The following CNIH3 variants were observed in gnomAD, a reference collection of about 807,000 sequenced individuals.
The protein encoded by CNIH3 is cornichon family AMPA receptor auxiliary protein 3, also known as protein cornichon homolog 3.
In CNIH3, 14 loss-of-function variants were observed where a neutral mutation model predicts 24.1. The observed-to-expected ratio is 0.58, with a 90% CI of 0.38 to 0.91. CNIH3 has a LOEUF of 0.91. CNIH3 is among the 40% of genes least tolerant of loss of function. CNIH3 has a pLI of 0.00. For missense variants in CNIH3, 178 were observed against 196.8 expected, an observed-to-expected ratio of 0.90 and a Z score of 0.57; for synonymous variants, 68 against 73.8, an observed-to-expected ratio of 0.92 and a Z score of 0.40.
At chr1:224,609,334 A>T (rs1227272125) in intron 3 of CNIH3, among the ~76,000 whole-genome samples, 3 of 152,196 alleles carry the variant, frequency 2.0e-5, no homozygotes, top group Admixed American at 1.3e-4. Context: ...TTTATAATAA[A>T]CACTCAAAGA....
chr1:224,727,694 C>T (rs1328782714), intron 3 of CNIH3, among the ~76,000 whole-genome samples: 2 of 152,094 alleles, frequency 1.3e-5, no homozygotes, highest in Non-Finnish European at 2.9e-5. Flanking sequence ...GGTTCCTTAC[C>T]TCTTCCACAT....
At chr1:224,552,868 A>G (rs1282513222) in intron 3 of CNIH3, among the ~76,000 whole-genome samples, 3 of 151,330 alleles carry the variant, frequency 2.0e-5, no homozygotes, top group African/African-American at 4.9e-5. Flanking sequence ...TAGGAGTAAT[A>G]TATCATCTCC....
At position 224,684,572 on chromosome 1, in the gene CNIH3, T is replaced by C. The variant is rs1686562781; in HGVS notation, c.151-224T>C. Among the ~76,000 whole-genome samples the C allele has an allele frequency of 6.6e-6, 1 of 152,164 alleles. No homozygotes were observed. Among genetic ancestry groups the C allele is most frequent in the Non-Finnish European group, 1.5e-5 (1 of 68,018 alleles). ...GGGCAGTTGAGCCCATGCTGTTTGC[T>C]GGGAGAGTTCTGCTAAGAGCAAATG... On this transcript the variant is annotated intron_variant, in intron 2 of 5. Coordinates refer to ENST00000272133, the MANE Select transcript of CNIH3 (RefSeq NM_152495.2). The surrounding 1 kb of genome is among the most constrained non-coding windows in gnomAD (Gnocchi z 4.2).
At chr1:224,596,214 C>A (rs191605361) in intron 3 of CNIH3, among the ~76,000 whole-genome samples, 2 of 152,342 alleles carry the variant, frequency 1.3e-5, no homozygotes, top group Admixed American at 6.5e-5. Flanking sequence ...CAATTGTTGA[C>A]TTTAAGTTGA....
At chr1:224,522,225 G>C (rs1479405612) in intron 2 of CNIH3, among the ~76,000 whole-genome samples, 1 of 152,118 alleles carries the variant, frequency 6.6e-6, no homozygotes, top group Non-Finnish European at 1.5e-5. Context: ...AAAGAAAAAT[G>C]TGTCTTTGAT....
chr1:224,491,150 GT>G (rs1378184485), intron 1 of CNIH3, among the ~76,000 whole-genome samples: 1 of 152,186 alleles, frequency 6.6e-6, no homozygotes, highest in East Asian at 1.9e-4. Flanking sequence ...GCCATATTTA[GT>G]TTGCTTTAAC....
upstream of CNIH3, among the ~76,000 whole-genome samples, chr1:224,613,729 C>T (rs1008063465): frequency 6.6e-6 from 1 of 152,208 alleles, no homozygotes; most frequent in Non-Finnish European, 1.5e-5. Context: ...TGCCATGTGA[C>T]ATGCCTGCTC....
chr1:224,671,316 T>C (rs991475444), intron 1 of CNIH3, among the ~76,000 whole-genome samples: 1 of 152,322 alleles, frequency 6.6e-6, no homozygotes, highest in Admixed American at 6.5e-5. Context: ...GAAGTTCAAC[T>C]TCCTCTCCTA....
chr1:224,636,267 T>TTGA (rs1684083692), intron 1 of CNIH3, among the ~76,000 whole-genome samples: 1 of 152,170 alleles, frequency 6.6e-6, no homozygotes, highest in Admixed American at 6.5e-5. Flanking sequence ...TTTGACTACA[T>TTGA]TGATGAAAGA....
chr1:224,645,163 G>A (rs865877858), intron 1 of CNIH3, among the ~76,000 whole-genome samples: 1 of 152,180 alleles, frequency 6.6e-6, no homozygotes, highest in South Asian at 2.1e-4. Context: ...AGGAAAAACT[G>A]TATGCTTACC....
intron 3 of CNIH3, among the ~76,000 whole-genome samples, chr1:224,553,929 T>C (rs895956070): frequency 6.6e-6 from 1 of 151,418 alleles, no homozygotes; most frequent in Non-Finnish European, 1.5e-5. Context: ...TTCGTACCTC[T>C]GTAGAACAAA....
At chr1:224,668,640 T>C (rs551672127) in intron 1 of CNIH3, among the ~76,000 whole-genome samples, 1 of 152,142 alleles carries the variant, frequency 6.6e-6, no homozygotes, top group Admixed American at 6.5e-5. Context: ...CAGAGAAGTA[T>C]CCAAGGAGTA....
At chr1:224,623,098 C>G (rs1005630919) in intron 1 of CNIH3, among the ~76,000 whole-genome samples, 1 of 152,102 alleles carries the variant, frequency 6.6e-6, no homozygotes, top group Non-Finnish European at 1.5e-5. Context: ...CTCTAGTGAC[C>G]ACTTCCATCT....
intron 1 of CNIH3, among the ~76,000 whole-genome samples, chr1:224,473,262 AG>A (rs1437762130): frequency 2.5e-4 from 38 of 152,256 alleles, no homozygotes; most frequent in Non-Finnish European, 5.4e-4. Flanking sequence ...ACAGGAAGGA[AG>A]GAAATAAGAG....
At chr1:224,533,414 A>G (rs74146374) in intron 2 of CNIH3, among the ~76,000 whole-genome samples, 3,394 of 150,036 alleles carry the variant, frequency 0.023, 137 homozygotes, top group African/African-American at 0.078. Flanking sequence ...AATCAGAGAG[A>G]GGACAGTCTG....
chr1:224,600,159 T>C (rs1449429791), intron 3 of CNIH3, among the ~76,000 whole-genome samples: 1 of 152,020 alleles, frequency 6.6e-6, no homozygotes, highest in African/African-American at 2.4e-5. Context: ...TTATCAGATA[T>C]ATTATTTAGT....
intron 3 of CNIH3, among the ~76,000 whole-genome samples, chr1:224,691,248 C>G (rs969700413): frequency 6.6e-6 from 1 of 152,230 alleles, no homozygotes; most frequent in African/African-American, 2.4e-5. Flanking sequence ...CTTCCCAGCT[C>G]AGGGCCTTGT....
chr1:224,616,339 C>G lies in CNIH3; in HGVS notation c.-836C>G. 2.2e-6 allele frequency: 1 copy of G among 460,948 alleles called. No homozygotes were observed. Among genetic ancestry groups the G allele is most frequent in the Non-Finnish European group, 3.0e-6 (1 of 329,524 alleles). 28.6% of individuals were successfully genotyped at this position (460,948 alleles called of 1,614,324 possible). On this transcript the variant is annotated 5_prime_UTR_variant, in exon 1 of 6. Transcript: ENST00000272133. Reference sequence around the variant, plus strand: ...CTCGCAGTGGCAAAGGCGGCGGCGGCGGCGGCGGCAGCGGCAGCAGCAGGT... The same window carrying G: ...CTCGCAGTGGCAAAGGCGGCGGCGGGGGCGGCGGCAGCGGCAGCAGCAGGT...
At chr1:224,480,892 G>A (rs1018099108) in intron 1 of CNIH3, among the ~76,000 whole-genome samples, 1 of 152,170 alleles carries the variant, frequency 6.6e-6, no homozygotes, top group Non-Finnish European at 1.5e-5. Flanking sequence ...TAGGTCCAAA[G>A]TTGCTTCCAT....
Sources: gnomAD v4.1 joint callset for allele counts (sites outside exome capture counted in the v4.1 genomes callset) on GRCh38, gnomAD v4.1.1 for gene constraint, Gnocchi (gnomAD v3.1) non-coding constraint, MANE v1.5 for transcripts, NCBI Gene and HGNC (gene_info 2026-07-23, HGNC 2026-07-21) for gene names.